TAF4B: variants seen among roughly 807,000 people sequenced by gnomAD.
TAF4B encodes transcription initiation factor TFIID subunit 4B.
A neutral mutation model predicts 86.4 loss-of-function variants in TAF4B; 38 were observed. The ratio of observed to expected loss-of-function variants is 0.44; its 90% CI spans 0.34 to 0.58. The LOEUF is 0.58. Ranked by LOEUF, TAF4B falls within the 20% of genes least tolerant of loss-of-function variation. The pLI is 0.02. For missense variants in TAF4B, 988 were observed against 1,027.6 expected (o/e 0.96, Z 0.53); for synonymous variants, 388 against 391.2 (o/e 0.99, Z 0.10).
intron 1 of TAF4B, among the ~76,000 whole-genome samples, chr18:26,260,802 C>T (rs549723464): frequency 5.9e-5 from 9 of 152,302 alleles, no homozygotes; most frequent in Admixed American, 3.9e-4. Flanking sequence ...ATATCTATCT[C>T]TAGTGATATT....
chr18:26,368,541 G>C (rs1463107100), intron 14 of TAF4B, among the ~76,000 whole-genome samples: 4 of 152,060 alleles, frequency 2.6e-5, no homozygotes. Context: ...TCTTCTACCA[G>C]GCTACAGGGG....
intron 1 of TAF4B, among the ~76,000 whole-genome samples, chr18:26,235,184 C>T (rs1369184343): frequency 6.6e-6 from 1 of 152,096 alleles, no homozygotes; most frequent in African/African-American, 2.4e-5. Context: ...TTGTTTTTGC[C>T]TCTGGTTCCC....
At chr18:26,262,310 T>G (rs906993400) in intron 1 of TAF4B, among the ~76,000 whole-genome samples, 3 of 151,986 alleles carry the variant, frequency 2.0e-5, no homozygotes, top group African/African-American at 7.3e-5. Context: ...CCCTGTCTTC[T>G]TGGCCACACT....
At chr18:26,249,636 T>G (rs965936183) in intron 1 of TAF4B, among the ~76,000 whole-genome samples, 6 of 152,248 alleles carry the variant, frequency 3.9e-5, no homozygotes, top group African/African-American at 1.2e-4. Context: ...TTCACATAAT[T>G]GGGATTCTGT....
chr18:26,297,239 A>G (rs1178492930), intron 9 of TAF4B, among the ~76,000 whole-genome samples: 2 of 152,180 alleles, frequency 1.3e-5, no homozygotes, highest in Non-Finnish European at 2.9e-5. Context: ...CATCTCTGGT[A>G]TGTCCGAAGA....
intron 13 of TAF4B, among the ~76,000 whole-genome samples, chr18:26,346,774 T>A (rs2057186081): frequency 7.4e-5 from 1 of 13,594 alleles, no homozygotes; most frequent in Non-Finnish European, 2.0e-4. Context: ...TATATATATA[T>A]GTGTGTGTAT....
intron 13 of TAF4B, among the ~76,000 whole-genome samples, chr18:26,351,074 G>GTT (rs2057241338): frequency 6.6e-6 from 1 of 152,070 alleles, no homozygotes; most frequent in South Asian, 2.1e-4. Context: ...GTTCATTTCA[G>GTT]CACTATACAT....
At chr18:26,250,969 C>T (rs1249155471) in intron 1 of TAF4B, among the ~76,000 whole-genome samples, 1 of 151,982 alleles carries the variant, frequency 6.6e-6, no homozygotes, top group Middle Eastern at 3.2e-3. Flanking sequence ...TTTATTTATT[C>T]AATTCAGGAA....
chr18:26,296,736 C>T (rs749628853), intron 9 of TAF4B, among the ~76,000 whole-genome samples: 6 of 152,156 alleles, frequency 3.9e-5, no homozygotes, highest in Non-Finnish European at 5.9e-5. Context: ...CCCCACATTA[C>T]ACCTCAGGTT....
At chr18:26,323,879 C>T (rs1230951844) in intron 11 of TAF4B, among the ~76,000 whole-genome samples, 4 of 152,162 alleles carry the variant, frequency 2.6e-5, no homozygotes, top group Non-Finnish European at 1.5e-5. Context: ...TTCTGCTAGT[C>T]TCTTTGAAGA....
At chr18:26,228,066 G>A (rs2055606021) in intron 1 of TAF4B, among the ~76,000 whole-genome samples, 1 of 152,196 alleles carries the variant, frequency 6.6e-6, no homozygotes, top group Admixed American at 6.5e-5. Flanking sequence ...CTGTTAATGA[G>A]TCTTTCACTA....
At chr18:26,387,730 T>C (rs903949452) in intron 14 of TAF4B, among the ~76,000 whole-genome samples, 3 of 152,134 alleles carry the variant, frequency 2.0e-5, no homozygotes, top group Non-Finnish European at 4.4e-5. Context: ...TGAGACCAAT[T>C]TTTTTCCCTC....
chr18:26,302,028 T>C (rs1421022264), intron 9 of TAF4B, among the ~76,000 whole-genome samples: 1 of 152,226 alleles, frequency 6.6e-6, no homozygotes, highest in African/African-American at 2.4e-5. Flanking sequence ...GGCAGCTCTC[T>C]GATGCCTTCA....
At chr18:26,335,088 GAA>G in intron 12 of TAF4B, 85 bp from the exon 13 acceptor site, 1 of 978,238 alleles carries the variant, frequency 1.0e-6, no homozygotes, top group Non-Finnish European at 1.6e-6. Context: ...AATCACAAGA[GAA>G]AATTGTCATT....
rs2056223240 is a variant in TAF4B at position 26,265,251 on chromosome 18, G to C, written c.425G>C (p.Ser142Thr). Residue 142 changes from serine (S) to threonine (T), a missense_variant, in exon 2 of 15, where the codon AGT (serine) becomes ACT (threonine). Transcript: ENST00000269142. ...ACTGTAACAAGAGCCGAGACCACAA[G>C]TAACATAACCTCAAGGCCAGCAGTA... ...QQTVTRAETT[S>T]NITSRPAVPA... 6.2e-7 allele frequency: 1 copy of C among 1,614,130 alleles called. No individual in the cohort carries two copies. Among genetic ancestry groups the C allele is most frequent in the Non-Finnish European group, 8.5e-7 (1 of 1,180,018 alleles).
chr18:26,314,477 A>ATG (rs2056882352), intron 9 of TAF4B, among the ~76,000 whole-genome samples: 2 of 152,124 alleles, frequency 1.3e-5, no homozygotes, highest in Non-Finnish European at 2.9e-5. Flanking sequence ...ACATGTATGT[A>ATG]TGTGTGTGTG....
chr18:26,314,729 A>G (rs2056884665), intron 9 of TAF4B, among the ~76,000 whole-genome samples: 1 of 152,218 alleles, frequency 6.6e-6, no homozygotes, highest in Non-Finnish European at 1.5e-5. Context: ...CTTAAGTGGA[A>G]TGAATGGTAG....
chr18:26,269,832 C>A (rs1598743194), intron 3 of TAF4B, among the ~76,000 whole-genome samples: 1 of 152,088 alleles, frequency 6.6e-6, no homozygotes, highest in Admixed American at 6.6e-5. Context: ...GGATTTGAGC[C>A]TTTATCTGAC....
chr18:26,231,509 A>G (rs1037511868), intron 1 of TAF4B, among the ~76,000 whole-genome samples: 1 of 151,580 alleles, frequency 6.6e-6, no homozygotes, highest in Non-Finnish European at 1.5e-5. Context: ...GTGCCACCAC[A>G]CCAGGCTAAT....
Sources: allele counts gnomAD v4.1 joint callset (sites outside exome capture counted in the v4.1 genomes callset), GRCh38; gene constraint gnomAD v4.1.1; transcripts MANE v1.5; gene names NCBI Gene and HGNC (gene_info 2026-07-23, HGNC 2026-07-21).